TRRAP: variants seen among roughly 807,000 people sequenced by gnomAD.
The protein encoded by TRRAP is transformation/transcription domain-associated protein.
Under a neutral mutation model 438.8 loss-of-function variants are expected in TRRAP, and 41 were observed. That is an observed-to-expected ratio of 0.09 (90% CI 0.07 to 0.12). The LOEUF (loss-of-function observed/expected upper bound fraction) is 0.12. Among genes scored for constraint, TRRAP ranks in the 10% least tolerant of loss-of-function variants. TRRAP has a pLI of 1.00. For synonymous variants in TRRAP, 1,994 were observed against 1,962.9 expected (o/e 1.02, Z -0.42); for missense variants, 3,122 against 5,055.1 (o/e 0.62, Z 11.60).
chr7:98,998,972 T>C, intron 67 of TRRAP: 1 of 606,700 alleles, frequency 1.6e-6, no homozygotes, highest in Non-Finnish European at 2.9e-6. Context: ...ATGCCCGTGG[T>C]ACAGCCAGGC....
At position 99,009,847 on chromosome 7, in the gene TRRAP, ATTTTG is replaced by A. The variant is rs1265902241; in HGVS notation, c.10939-1202_10939-1198del. On this transcript the variant is annotated intron_variant, in intron 70 of 72. Transcript: ENST00000456197. ...TCAGAGCCGCTTCCTCCTCTTGTTT[ATTTTG>A]TTATTTATTCTACTCCTTCATTCTT... Among the ~76,000 whole-genome samples, 17 of 72,544 alleles carry A rather than the reference ATTTTG, an allele frequency of 2.3e-4. No individual in the cohort carries two copies. The East Asian group carries it at 7.1e-3, about 31-fold the overall frequency. The allele number at this position is 72,544 out of a possible 152,430, so 47.6% of individuals were successfully genotyped here.
chr7:99,003,763 T>C (rs1328568880), intron 67 of TRRAP, among the ~76,000 whole-genome samples: 1 of 152,242 alleles, frequency 6.6e-6, no homozygotes, highest in Non-Finnish European at 1.5e-5. Flanking sequence ...CTCCACACCA[T>C]GTATAAAACG....
intron 31 of TRRAP, 29 bp downstream of exon 31, chr7:98,943,046 G>T (rs782498255): frequency 6.2e-7 from 1 of 1,612,880 alleles, no homozygotes; most frequent in Admixed American, 1.7e-5. Flanking sequence ...TCTGGGAAGG[G>T]CACCAGCCGC....
intron 67 of TRRAP, chr7:98,998,920 A>T: frequency 2.0e-6 from 1 of 499,278 alleles, no homozygotes; most frequent in Non-Finnish European, 3.6e-6. Context: ...ATGGTAGGTC[A>T]GTCTGCACAA....
intron 4 of TRRAP, among the ~76,000 whole-genome samples, chr7:98,891,088 G>A (rs868988243): frequency 1.3e-5 from 2 of 150,482 alleles, no homozygotes; most frequent in African/African-American, 2.4e-5. Context: ...GAGCCACTAC[G>A]CCTAGCCTAG....
intron 13 of TRRAP, among the ~76,000 whole-genome samples, chr7:98,907,045 C>T (rs868940369): frequency 5.3e-5 from 8 of 151,160 alleles, no homozygotes; most frequent in East Asian, 3.9e-4. Context: ...TAGTTGTGGC[C>T]AGGCACGGTG....
intron 3 of TRRAP, 104 bp downstream of exon 3, chr7:98,882,128 T>C (rs1795470691): frequency 2.0e-6 from 2 of 997,032 alleles, no homozygotes; most frequent in African/African-American, 1.6e-5. Context: ...AAGATCATTG[T>C]CTTTGTTCAA....
At position 98,917,750 on chromosome 7, in the gene TRRAP, C is replaced by T. The variant is rs1322615821; in HGVS notation, c.2622+71C>T. On this transcript the variant is annotated intron_variant, in intron 20 of 72. Transcript: ENST00000456197. ...GTGGGCCGTCATTGGGTTCTCTGTA[C>T]TCAAGAGTGGGCTCTGCAAGATGGA... The T allele has an allele frequency of 1.9e-6, 3 of 1,556,800 alleles. No individual in the cohort carries two copies. The Admixed American group carries it at 5.5e-5, about 28-fold the overall frequency.
At position 98,899,421 on chromosome 7, in the gene TRRAP, GCATT is replaced by G; in HGVS notation, c.635_638del (p.His212ProfsTer10). ...GGGTCCTACCCATTTCTGTCTTCCA[GCATT>G]CCATCATTCCGAGGGGATCACTTTC... On this transcript the variant is annotated frameshift_variant and splice_region_variant, in exon 9 of 73. Coordinates refer to ENST00000456197, the MANE Select transcript of TRRAP (RefSeq NM_001375524.1). LOFTEE classifies it high-confidence loss of function. 6.2e-7 allele frequency: 1 copy of G among 1,614,098 alleles called. No individual in the cohort carries two copies. The highest frequency in any genetic ancestry group is 8.5e-7 in the Non-Finnish European group (1 of 1,179,994).
Position 98,994,462 on chromosome 7 carries a change from G to A in TRRAP, c.10048-125G>A, listed in dbSNP as rs1164432742. On this transcript the variant is annotated intron_variant, in intron 66 of 72. Transcript: ENST00000456197. This position sits in a 1 kb window ranked among gnomAD's most constrained non-coding sequence, Gnocchi z 4.8. ...CGCCGATTTCATGCCTGCTGTGTGT[G>A]GGTCCTGCCGGGGAGTGCAGAGATG... is the stretch of plus-strand genomic sequence containing the variant. 3 of 1,361,540 alleles carry A rather than the reference G, an allele frequency of 2.2e-6. No individual in the cohort carries two copies. The highest frequency in any genetic ancestry group is 3.0e-6 in the Non-Finnish European group (3 of 987,192). The allele number at this position is 1,361,540 out of a possible 1,614,324, so 84.3% of individuals were successfully genotyped here.
At chr7:98,942,732 C>T (rs543417700) in intron 30 of TRRAP, among the ~76,000 whole-genome samples, 11 of 152,296 alleles carry the variant, frequency 7.2e-5, no homozygotes, top group Non-Finnish European at 1.3e-4. Flanking sequence ...GGAGTCAGGG[C>T]GTTTCCTTCT....
intron 51 of TRRAP, among the ~76,000 whole-genome samples, chr7:98,968,944 C>CAT: frequency 6.6e-6 from 1 of 152,214 alleles, no homozygotes; most frequent in Non-Finnish European, 1.5e-5. Flanking sequence ...AGACAGACGA[C>CAT]ATATTGGCTG....
At chr7:98,884,497 A>T (rs1446495954) in intron 3 of TRRAP, among the ~76,000 whole-genome samples, 1 of 152,088 alleles carries the variant, frequency 6.6e-6, no homozygotes, top group Admixed American at 6.5e-5. Flanking sequence ...AGCCTCCCAA[A>T]GTGCTAGGAT....
Position 98,970,143 on chromosome 7 carries a change from C to A in TRRAP, c.7544C>A (p.Pro2515His), listed in dbSNP as rs779292018. 1 of 1,613,908 alleles carries A rather than the reference C, an allele frequency of 6.2e-7. No individual in the cohort carries two copies. The highest frequency in any genetic ancestry group is 2.2e-5 in the East Asian group (1 of 44,882). Residue 2515 changes from proline (P) to histidine (H), a missense_variant, in exon 52 of 73, where the codon CCC (proline) becomes CAC (histidine). By Grantham distance (77) the Pro-to-His change is moderately conservative. Transcript: ENST00000456197. ...LLLAVCEKSTPIGTSCQGAML... is the reference protein window; with the variant it reads ...LLLAVCEKSTHIGTSCQGAML... ...CTGGCCGTGTGTGAGAAGAGCACCC[C>A]CATTGGCACCAGCTGCCAAGGAGCC...
At position 98,953,057 on chromosome 7, in the gene TRRAP, G is replaced by T. The variant is rs1211601253; in HGVS notation, c.5464-110G>T. 3.9e-4 allele frequency: 20 copies of T among 51,842 alleles called. 1 individual carries two copies. Among genetic ancestry groups the T allele is most frequent in the Non-Finnish European group, 1.7e-3 (19 of 10,940 alleles). The allele number at this position is 51,842 out of a possible 1,614,324, so 3.2% of individuals were successfully genotyped here. On this transcript the variant is annotated intron_variant, in intron 39 of 72. Transcript: ENST00000456197. The stretch of plus-strand genomic sequence containing the variant: ...TGTGTGTGTGTGTGTGTGTGTGTGT[G>T]TGTGTGTGTGTGTGTGTGTGTGTTT...
At position 98,937,291 on chromosome 7, in the gene TRRAP, CGTGCGTGT is replaced by C; in HGVS notation, c.4233+15_4233+22del. 6.2e-7 allele frequency: 1 copy of C among 1,605,968 alleles called. No individual in the cohort carries two copies. ...TGTATGAGAAAGGTGAGTGTGTGTG[CGTGCGTGT>C]ATGCGCACGCGTGTGTGCACACACA... On this transcript the variant is annotated intron_variant, in intron 29 of 72. Transcript: ENST00000456197.
Position 98,959,382 on chromosome 7 carries a change from G to A in TRRAP, c.6381G>A (p.Glu2127=), listed in dbSNP as rs146661901. The A allele has an allele frequency of 2.4e-4, 392 of 1,614,002 alleles. No homozygotes were observed. The highest frequency in any genetic ancestry group is 2.7e-4 in the Non-Finnish European group (313 of 1,180,024). ...DNTNTAGSPG[E]VLSRRCVNLL... is the part of the protein sequence containing the mutation. ...CCAACACAGCGGGGTCCCCTGGGGAGGTGCTCTCTCGCCGGTGTGTGAACC... is the reference window on the plus strand; with the variant it reads ...CCAACACAGCGGGGTCCCCTGGGGAAGTGCTCTCTCGCCGGTGTGTGAACC... The change falls in exon 45 of 73, where the codon GAG becomes GAA. Residue 2127 remains glutamate, a synonymous_variant. Coordinates refer to ENST00000456197, the MANE Select transcript of TRRAP (RefSeq NM_001375524.1).
intron 12 of TRRAP, among the ~76,000 whole-genome samples, chr7:98,904,202 A>G (rs10270671): frequency 0.89 from 135,979 of 152,010 alleles, 60,899 homozygotes; most frequent in South Asian, 0.94. Flanking sequence ...TGACAGATTC[A>G]GCTGGGTGTG....
At chr7:98,974,757 G>A (rs962904768) in intron 53 of TRRAP, among the ~76,000 whole-genome samples, 7 of 152,140 alleles carry the variant, frequency 4.6e-5, no homozygotes, top group African/African-American at 4.8e-5. Flanking sequence ...TTACTAGGTA[G>A]GTTTCCAGGT....
Sources: gnomAD v4.1 joint callset for allele counts (sites outside exome capture counted in the v4.1 genomes callset) on GRCh38, gnomAD v4.1.1 for gene constraint, Gnocchi (gnomAD v3.1) non-coding constraint, MANE v1.5 for transcripts, NCBI Gene and HGNC (gene_info 2026-07-23, HGNC 2026-07-21) for gene names.